SLC39A4: variants seen among roughly 807,000 people sequenced by gnomAD.
SLC39A4 encodes zinc transporter ZIP4.
Under a neutral mutation model 56.6 loss-of-function variants are expected in SLC39A4, and 49 were observed. The observed-to-expected ratio is 0.87, with a 90% CI of 0.69 to 1.10. SLC39A4 has a LOEUF of 1.10. SLC39A4 is among the 50% of genes least tolerant of loss of function. The pLI is 0.00. For synonymous variants in SLC39A4, 540 were observed against 420.4 expected, an observed-to-expected ratio of 1.28 and a Z score of -3.48; for missense variants, 993 against 864.2, an observed-to-expected ratio of 1.15 and a Z score of -1.87.
intron 1 of SLC39A4, 128 bp from the exon 2 acceptor site, chr8:144,416,219 C>T (rs782458496): frequency 1.7e-5 from 27 of 1,586,544 alleles, no homozygotes; most frequent in Non-Finnish European, 1.9e-5. Context: ...CCTCTCTCAA[C>T]CCCTGGCGCC....
At chr8:144,415,691 G>A (rs188379177) in intron 2 of SLC39A4, 119 bp downstream of exon 2, 196 of 1,394,450 alleles carry the variant, frequency 1.4e-4, no homozygotes, top group African/African-American at 1.3e-3. Context: ...GCCGCAGGCC[G>A]ACTCCTGGGC....
rs781997650 is a variant in SLC39A4 at position 144,414,288 on chromosome 8, C to G, written c.1123G>C (p.Asp375His). ...LSLAVGAVTG[D>H]AVLHLTPKVL... is the part of the protein sequence containing the mutation. ...TTGGGCGTCAGATGCAGGACAGCGT[C>G]CCCAGTGACTGCACCCACTGCCAGG... Residue 375 changes from aspartate (D) to histidine (H), a missense_variant, in exon 6 of 12, where the codon GAC becomes CAC. Asp to His is a moderately conservative substitution (Grantham distance 81). Transcript: ENST00000301305. 1.7e-5 allele frequency: 28 copies of G among 1,608,830 alleles called. No individual in the cohort carries two copies. The South Asian group carries it at 3.0e-4, about 17-fold the overall frequency.
At chr8:144,414,674 A>T in intron 5 of SLC39A4, 51 bp downstream of exon 5, 3 of 1,603,088 alleles carry the variant, frequency 1.9e-6, no homozygotes, top group South Asian at 1.1e-5. Flanking sequence ...CTTCCTTCCT[A>T]CACGGGCTCC....
intron 1 of SLC39A4, 105 bp from the exon 2 acceptor site, chr8:144,416,196 C>T (rs1198727952): frequency 1.3e-6 from 2 of 1,593,738 alleles, no homozygotes; most frequent in Non-Finnish European, 1.7e-6. Context: ...TCAAGTCCAA[C>T]AACGTCCACC....
chr8:144,414,803 G>A lies in SLC39A4; in HGVS notation c.898C>T (p.Leu300=), dbSNP rs540567891. ...GCTCCACTCAGCTGCTGTTGGAGCAGGGCAGGGCTCAGTTGGGCCCAGGCC... is the reference window on the plus strand; with the variant it reads ...GCTCCACTCAGCTGCTGTTGGAGCAAGGCAGGGCTCAGTTGGGCCCAGGCC... ...PEAWAQLSPA[L]LQQQLSGACT... Residue 300 remains leucine (L), a synonymous_variant, in exon 5 of 12, where the codon CTG becomes TTG. Coordinates refer to ENST00000301305, the MANE Select transcript of SLC39A4 (RefSeq NM_130849.4). 5 of 1,613,206 alleles carry A rather than the reference G, an allele frequency of 3.1e-6. No homozygotes were observed. The African/African-American group carries it at 5.3e-5, about 17-fold the overall frequency.
intron 10 of SLC39A4, 29 bp from the exon 11 acceptor site, chr8:144,412,975 G>A (rs1821954780): frequency 1.3e-6 from 2 of 1,563,560 alleles, no homozygotes; most frequent in East Asian, 2.3e-5. Context: ...TAACAGCTCC[G>A]CCCTCCTAGC....
chr8:144,412,765 G>A lies in SLC39A4; in HGVS notation c.1809C>T (p.Cys603=), dbSNP rs1554871900. 1 of 1,613,208 alleles carries A rather than the reference G, an allele frequency of 6.2e-7. No homozygotes were observed. Among genetic ancestry groups the A allele is most frequent in the Admixed American group, 1.7e-5 (1 of 60,036 alleles). Residue 603 remains cysteine, a synonymous_variant, in exon 11 of 12, where the codon TGC becomes TGT. Transcript: ENST00000301305. ...CTCCCCTCGCCATCCTGACCATGTCGCAGAGTGCTACGTAGAGGAACAGGC... is the reference window on the plus strand; with the variant it reads ...CTCCCCTCGCCATCCTGACCATGTCACAGAGTGCTACGTAGAGGAACAGGC... ...ATGLFLYVAL[C]DMLPAMLKVR...
rs782377004 is a variant in SLC39A4 at position 144,414,749 on chromosome 8, G to C, written c.952C>G (p.Gln318Glu). 3.7e-6 allele frequency: 6 copies of C among 1,613,026 alleles called. No individual in the cohort carries two copies. The Admixed American group carries it at 1.0e-4, about 27-fold the overall frequency. The change falls in exon 5 of 12, where the codon CAG becomes GAG. Residue 318 changes from glutamine (Q) to glutamate (E), a missense_variant. By Grantham distance (29) the Gln-to-Glu change is conservative. Transcript: ENST00000301305. ...ACTSQSRPPV[Q>E]DQLSQSERYL... ...CTCTCTGACTGGCTGAGCTGGTCCT[G>C]GACGGGGGGCCTGGACTGGGAGGTG...
In SLC39A4 at chr8:144,413,961, C is replaced by G. The variant is rs141948792; in HGVS notation, c.1284G>C (p.Pro428=). 6.2e-7 allele frequency: 1 copy of G among 1,610,498 alleles called. No homozygotes were observed. The highest frequency in any genetic ancestry group is 8.5e-7 in the Non-Finnish European group (1 of 1,178,780). Reference sequence around the variant, plus strand: ...GTACCTTCCCAAGAAGCCTGACCTCCGGGTCCCTGGGCAGCAGGAGATTGA... The same window carrying G: ...GTACCTTCCCAAGAAGCCTGACCTCGGGGTCCCTGGGCAGCAGGAGATTGA... ...NLFNLLLPRD[P]EDLEDGPCGH... Residue 428 remains proline, a synonymous_variant, in exon 7 of 12, where the codon CCG becomes CCC. Coordinates refer to ENST00000301305, the MANE Select transcript of SLC39A4 (RefSeq NM_130849.4).
Position 144,416,602 on chromosome 8 carries a change from CCACACGGCCCGTTGGCGCAGTG to C in SLC39A4, c.166_187del (p.His56GlufsTer74). 2 of 1,583,022 alleles carry C rather than the reference CCACACGGCCCGTTGGCGCAGTG, an allele frequency of 1.3e-6. No individual in the cohort carries two copies. Among genetic ancestry groups the C allele is most frequent in the Middle Eastern group, 1.8e-4 (1 of 5,640 alleles). ...CCCGTCGGGTGGGGCTGTTACCTTT[CCACACGGCCCGTTGGCGCAGTG>C]CACACGGTCCGCCAGCGTATTTAAC... is the stretch of plus-strand genomic sequence containing the variant. On this transcript the variant is annotated frameshift_variant, in exon 1 of 12. Coordinates refer to ENST00000301305, the MANE Select transcript of SLC39A4 (RefSeq NM_130849.4). LOFTEE classifies it high-confidence loss of function.
chr8:144,415,142 T>C (rs1554873475), intron 3 of SLC39A4, 32 bp from the exon 4 acceptor site: 3 of 1,612,652 alleles, frequency 1.9e-6, no homozygotes, highest in Non-Finnish European at 2.5e-6. Flanking sequence ...ACCGCGAGTC[T>C]GTGTGGGCTC....
rs1554874222 is a variant in SLC39A4, at chr8:144,416,841, T to C, written c.-52A>G. 2 of 1,560,374 alleles carry C rather than the reference T, an allele frequency of 1.3e-6. No individual in the cohort carries two copies. The highest frequency in any genetic ancestry group is 2.3e-5 in the South Asian group (2 of 85,756). On this transcript the variant is annotated 5_prime_UTR_variant, in exon 1 of 12. Coordinates refer to ENST00000301305, the MANE Select transcript of SLC39A4 (RefSeq NM_130849.4). ...TGTTGCTGTGGCCAAGGCCCAGTGC[T>C]TCTGGGCTGGCTGAGGGCGGCTTTG...
Position 144,414,399 on chromosome 8 carries a change from A to G in SLC39A4, c.1012T>C (p.Cys338Arg), listed in dbSNP as rs782286432. The change falls in exon 6 of 12, where the codon TGC becomes CGC. Residue 338 changes from cysteine to arginine, a missense_variant. Transcript: ENST00000301305. ...AGGAGGCCAAAGACCGCGCAGAGGC[A>G]GATGAGCAGCGTGGCCAGGGAGCCG... is the stretch of plus-strand genomic sequence containing the variant. ...LYGSLATLLICLCAVFGLLLL... is the reference protein window; with the variant it reads ...LYGSLATLLIRLCAVFGLLLL... The G allele has an allele frequency of 4.1e-5, 64 of 1,570,980 alleles. No homozygotes were observed. Among genetic ancestry groups the G allele is most frequent in the Non-Finnish European group, 2.8e-5 (32 of 1,158,854 alleles).
intron 9 of SLC39A4, 53 bp from the exon 10 acceptor site, chr8:144,413,442 C>A: frequency 6.3e-7 from 1 of 1,587,996 alleles, no homozygotes. Flanking sequence ...ACCGCCAAGC[C>A]TTGGGCCCCA....
chr8:144,414,581 G>A (rs1554873144), intron 5 of SLC39A4, 144 bp downstream of exon 5: 2 of 1,490,490 alleles, frequency 1.3e-6, no homozygotes, highest in Non-Finnish European at 1.8e-6. Context: ...CACTCTCCTG[G>A]CGACGCCACC....
chr8:144,416,208 T>TC, intron 1 of SLC39A4, 117 bp from the exon 2 acceptor site: 1 of 1,592,366 alleles, frequency 6.3e-7, no homozygotes, highest in Non-Finnish European at 8.5e-7. Flanking sequence ...ACGTCCACCA[T>TC]CCTCTCTCAA....
In SLC39A4 at chr8:144,412,648, C is replaced by T. The variant is rs782586898; in HGVS notation, c.1834G>A (p.Val612Ile). Residue 612 changes from valine (V) to isoleucine (I), a missense_variant, in exon 12 of 12, where the codon GTA (valine) becomes ATA (isoleucine). Val to Ile is a conservative substitution (Grantham distance 29). Coordinates refer to ENST00000301305, the MANE Select transcript of SLC39A4 (RefSeq NM_130849.4). ...LCDMLPAMLK[V>I]RDPRPWLLFL... ...AGGAGCCAGGGCCGCGGGTCCCGTA[C>T]TTTCAACATCGCCGGGAGCTGAGGA... 3.7e-6 allele frequency: 6 copies of T among 1,613,934 alleles called. No individual in the cohort carries two copies. The highest frequency in any genetic ancestry group is 4.2e-6 in the Non-Finnish European group (5 of 1,180,004).
intron 2 of SLC39A4, 135 bp from the exon 3 acceptor site, chr8:144,415,554 C>T (rs1300592244): frequency 4.7e-5 from 57 of 1,213,084 alleles, no homozygotes; most frequent in Non-Finnish European, 6.3e-5. Context: ...AGCCACAGCC[C>T]TCCCTGCCGG....
chr8:144,414,388 C>G lies in SLC39A4; in HGVS notation c.1023G>C (p.Ala341=), dbSNP rs572767840. 4 of 1,576,400 alleles carry G rather than the reference C, an allele frequency of 2.5e-6. No individual in the cohort carries two copies. Among genetic ancestry groups the G allele is most frequent in the African/African-American group, 1.3e-5 (1 of 74,360 alleles). The part of the protein sequence containing the change: ...SLATLLICLC[A]VFGLLLLTCT... ...AGGTCAGCAGCAGGAGGCCAAAGACCGCGCAGAGGCAGATGAGCAGCGTGG... is the reference window on the plus strand; with the variant it reads ...AGGTCAGCAGCAGGAGGCCAAAGACGGCGCAGAGGCAGATGAGCAGCGTGG... Residue 341 remains alanine (A), a synonymous_variant, in exon 6 of 12, where the codon GCG becomes GCC. Transcript: ENST00000301305.
Sources: gnomAD v4.1 joint callset for allele counts on GRCh38, gnomAD v4.1.1 for gene constraint, MANE v1.5 for transcripts, NCBI Gene and HGNC (gene_info 2026-07-23, HGNC 2026-07-21) for gene names.